The following SIX6 variants were observed in gnomAD, a reference collection of about 807,000 sequenced individuals.
SIX6 encodes the protein homeobox protein SIX6.
SIX6 carries 14 observed loss-of-function variants against 23.6 expected under a neutral mutation model. The observed-to-expected ratio is 0.59, with a 90% CI of 0.39 to 0.93. The LOEUF is 0.93. Ranked by LOEUF, SIX6 falls within the 40% of genes least tolerant of loss-of-function variation. The probability of loss-of-function intolerance (pLI) is 0.00; values close to 1 mark genes in which losing one functional copy is unlikely to be tolerated. For synonymous variants in SIX6, 128 were observed against 144.9 expected (o/e 0.88, Z 0.84); for missense variants, 307 against 325.6 (o/e 0.94, Z 0.44).
In SIX6 at chr14:60,512,367, G is replaced by A. The variant is rs968933371; in HGVS notation, c.*1115G>A. ...CAGGCACCCATGATCATGCTAGAGTGAGCATATACTGCATTTAGGATTGAG... is the reference window on the plus strand; with the variant it reads ...CAGGCACCCATGATCATGCTAGAGTAAGCATATACTGCATTTAGGATTGAG... On this transcript the variant is annotated 3_prime_UTR_variant, in exon 2 of 2. Coordinates refer to ENST00000327720, the MANE Select transcript of SIX6 (RefSeq NM_007374.3). The A allele has an allele frequency of 2.6e-5, 4 of 152,224 alleles. No homozygotes were observed. Among genetic ancestry groups the A allele is most frequent in the Admixed American group, 1.3e-4 (2 of 15,282 alleles). 9.4% of individuals were successfully genotyped at this position (152,224 alleles called of 1,614,324 possible). A position where few individuals can be genotyped will look rare whatever the true frequency, so the allele number is the denominator to read the frequency against.
rs146477594 is a variant in SIX6, at chr14:60,512,352, T to G, written c.*1100T>G. The G allele has an allele frequency of 2.1e-4, 32 of 152,342 alleles. No homozygotes were observed. Among genetic ancestry groups the G allele is most frequent in the African/African-American group, 7.7e-4 (32 of 41,576 alleles). 9.4% of individuals were successfully genotyped at this position (152,342 alleles called of 1,614,324 possible). On this transcript the variant is annotated 3_prime_UTR_variant, in exon 2 of 2. Coordinates refer to ENST00000327720, the MANE Select transcript of SIX6 (RefSeq NM_007374.3). ...CCAATACAAAAGCAGCAGGCACCCA[T>G]GATCATGCTAGAGTGAGCATATACT...
chr14:60,510,995 C>T, intron 1 of SIX6, 89 bp from the exon 2 acceptor site: 1 of 1,375,840 alleles, frequency 7.3e-7, no homozygotes, highest in Non-Finnish European at 1.0e-6. Flanking sequence ...CCTCTAGCCG[C>T]CGGGCTGGAG....
At chr14:60,511,020 G>A (rs1893282966) in intron 1 of SIX6, 64 bp from the exon 2 acceptor site, 1 of 1,540,178 alleles carries the variant, frequency 6.5e-7, no homozygotes, top group East Asian at 2.3e-5. Flanking sequence ...GCAGGAGGTG[G>A]TGGGGGCGGG....
In SIX6 at chr14:60,511,328, T is replaced by G; in HGVS notation, c.*76T>G. On this transcript the variant is annotated 3_prime_UTR_variant, in exon 2 of 2. Transcript: ENST00000327720. ...AACAAAATGAAAGAGGGGAAGAAGATGAGAGACCTGCAAATCCAGCGCCAC... is the reference window on the plus strand; with the variant it reads ...AACAAAATGAAAGAGGGGAAGAAGAGGAGAGACCTGCAAATCCAGCGCCAC... The G allele has an allele frequency of 1.3e-5, 19 of 1,488,658 alleles. No homozygotes were observed. The highest frequency in any genetic ancestry group is 1.5e-5 in the Non-Finnish European group (16 of 1,067,820). The allele number at this position is 1,488,658 out of a possible 1,614,324, so 92.2% of individuals were successfully genotyped here.
rs540913353 is a variant in SIX6 at position 60,510,553 on chromosome 14, C to T, written c.573-531C>T. On this transcript the variant is annotated intron_variant, in intron 1 of 1. Transcript: ENST00000327720. The stretch of plus-strand genomic sequence containing the variant: ...TTTTCGTTTCCCGGAGTGTGGATCT[C>T]GATTAGCCAAACATTTTGCGGAAGA... Among the ~76,000 whole-genome samples the T allele has an allele frequency of 7.0e-4, 107 of 152,294 alleles. 1 individual carries two copies. The highest frequency in any genetic ancestry group is 9.6e-4 in the Non-Finnish European group (65 of 68,030).
chr14:60,510,229 G>A (rs867527931), intron 1 of SIX6, among the ~76,000 whole-genome samples: 4 of 152,302 alleles, frequency 2.6e-5, no homozygotes, highest in Middle Eastern at 3.4e-3. Context: ...GCTTCACTGG[G>A]ACGGAGAGGG....
rs1477173742 is a variant in SIX6, at chr14:60,509,523, C to A, written c.125C>A (p.Ala42Glu). The A allele has an allele frequency of 1.9e-6, 3 of 1,607,332 alleles. No individual in the cohort carries two copies. The highest frequency in any genetic ancestry group is 1.7e-6 in the Non-Finnish European group (2 of 1,179,972). The change falls in exon 1 of 2, where the codon GCG becomes GAG. Residue 42 changes from alanine to glutamate, a missense_variant. Ala to Glu is a moderately radical substitution (Grantham distance 107). Coordinates refer to ENST00000327720, the MANE Select transcript of SIX6 (RefSeq NM_007374.3). ...CTCTGGTCGCTGCCCGTGGCCCCTG[C>A]GGCCTGCGAGGCCCTCAACAAGAAT... ...RFLWSLPVAP[A>E]ACEALNKNES...
Position 60,509,716 on chromosome 14 carries a change from C to T in SIX6, c.318C>T (p.Pro106=). Residue 106 remains proline (P), a synonymous_variant, in exon 1 of 2, where the codon CCC becomes CCT. Coordinates refer to ENST00000327720, the MANE Select transcript of SIX6 (RefSeq NM_007374.3). ...YQEAEKLRGR[P]LGPVDKYRVR... is the part of the protein sequence containing the mutation. Reference sequence around the variant, plus strand: ...AGGCTGAGAAGCTGCGTGGAAGACCCCTGGGACCTGTGGACAAGTACCGAG... The same window carrying T: ...AGGCTGAGAAGCTGCGTGGAAGACCTCTGGGACCTGTGGACAAGTACCGAG... 1.2e-6 allele frequency: 2 copies of T among 1,614,138 alleles called. No individual in the cohort carries two copies. The highest frequency in any genetic ancestry group is 2.2e-5 in the South Asian group (2 of 91,084).
Position 60,509,952 on chromosome 14 carries a change from C to A in SIX6, c.554C>A (p.Ala185Glu), listed in dbSNP as rs1326036486. The part of the protein sequence containing the change: ...WFKNRRQRDR[A>E]AAAKNRLQQQ... Reference sequence around the variant, plus strand: ...AAAAACCGCCGACAAAGGGACCGAGCGGCTGCAGCCAAGAACAGGTCGGTA... The same window carrying A: ...AAAAACCGCCGACAAAGGGACCGAGAGGCTGCAGCCAAGAACAGGTCGGTA... Residue 185 changes from alanine to glutamate, a missense_variant, in exon 1 of 2, where the codon GCG becomes GAG. By Grantham distance (107) the Ala-to-Glu change is moderately radical. Coordinates refer to ENST00000327720, the MANE Select transcript of SIX6 (RefSeq NM_007374.3). 11 of 1,605,596 alleles carry A rather than the reference C, an allele frequency of 6.9e-6. No individual in the cohort carries two copies. The highest frequency in any genetic ancestry group is 3.4e-6 in the Non-Finnish European group (4 of 1,175,696).
chr14:60,509,795 C>A lies in SIX6; in HGVS notation c.397C>A (p.His133Asn). The A allele has an allele frequency of 6.2e-7, 1 of 1,613,478 alleles. No individual in the cohort carries two copies. The highest frequency in any genetic ancestry group is 8.5e-7 in the Non-Finnish European group (1 of 1,179,450). ...RTIWDGEQKT[H>N]CFKERTRHLL... ...CATTTGGGACGGCGAACAGAAGACA[C>A]ACTGCTTCAAGGAGCGCACGCGGCA... The change falls in exon 1 of 2, where the codon CAC (histidine) becomes AAC (asparagine). Residue 133 changes from histidine (H) to asparagine (N), a missense_variant. His to Asn is a moderately conservative substitution (Grantham distance 68, BLOSUM62 1). Coordinates refer to ENST00000327720, the MANE Select transcript of SIX6 (RefSeq NM_007374.3).
intron 1 of SIX6, among the ~76,000 whole-genome samples, chr14:60,510,472 C>T (rs1893273738): frequency 6.6e-6 from 1 of 152,220 alleles, no homozygotes; most frequent in African/African-American, 2.4e-5. Flanking sequence ...TTCCTCTTCC[C>T]ATGCGCTGCC....
At position 60,511,432 on chromosome 14, in the gene SIX6, C is replaced by A. The variant is rs1893293408; in HGVS notation, c.*180C>A. ...CCCGCGGCCGGCCTGGCTTCACTGG[C>A]GCCCTTTGGCCGCGACCACGGGAAC... On this transcript the variant is annotated 3_prime_UTR_variant, in exon 2 of 2. Transcript: ENST00000327720. 2 of 717,426 alleles carry A rather than the reference C, an allele frequency of 2.8e-6. No homozygotes were observed. Among genetic ancestry groups the A allele is most frequent in the East Asian group, 2.7e-5 (1 of 37,124 alleles). The allele number at this position is 717,426 out of a possible 1,614,324, so 44.4% of individuals were successfully genotyped here.
intron 1 of SIX6, 22 bp downstream of exon 1, chr14:60,509,992 C>T (rs754336371): frequency 1.3e-6 from 2 of 1,574,494 alleles, no homozygotes; most frequent in Non-Finnish European, 1.7e-6. Context: ...GAGGCCTCCG[C>T]GCTTTGAGCG....
In SIX6 at chr14:60,509,565, C is replaced by T; in HGVS notation, c.167C>T (p.Ala56Val). Residue 56 changes from alanine to valine, a missense_variant, in exon 1 of 2, where the codon GCA becomes GTA. By Grantham distance (64) the Ala-to-Val change is moderately conservative. Coordinates refer to ENST00000327720, the MANE Select transcript of SIX6 (RefSeq NM_007374.3). ...AACAAGAATGAGTCGGTGCTACGCGCACGAGCCATCGTGGCCTTTCACGGT... is the reference window on the plus strand; with the variant it reads ...AACAAGAATGAGTCGGTGCTACGCGTACGAGCCATCGTGGCCTTTCACGGT... ...ALNKNESVLR[A>V]RAIVAFHGGN... The T allele has an allele frequency of 6.2e-7, 1 of 1,612,230 alleles. No individual in the cohort carries two copies. The highest frequency in any genetic ancestry group is 8.5e-7 in the Non-Finnish European group (1 of 1,180,014).
rs778350770 is a variant in SIX6, at chr14:60,511,206, C to T, written c.695C>T (p.Thr232Ile). 3 of 1,613,160 alleles carry T rather than the reference C, an allele frequency of 1.9e-6. No individual in the cohort carries two copies. The highest frequency in any genetic ancestry group is 8.5e-7 in the Non-Finnish European group (1 of 1,179,954). Residue 232 changes from threonine (T) to isoleucine (I), a missense_variant, in exon 2 of 2, where the codon ACT (threonine) becomes ATT (isoleucine). Physicochemically the swap from Thr to Ile is moderately conservative, Grantham distance 89 (BLOSUM62 -1). Coordinates refer to ENST00000327720, the MANE Select transcript of SIX6 (RefSeq NM_007374.3). The part of the protein sequence containing the change: ...PAASLSSKAA[T>I]SAISITSSDS... ...GCCAGTCTATCCAGCAAGGCGGCCA[C>T]TTCAGCCATCTCCATCACGTCCAGC... is the stretch of plus-strand genomic sequence containing the variant.
intron 1 of SIX6, 40 bp downstream of exon 1, chr14:60,510,010 G>C: frequency 1.3e-6 from 2 of 1,547,472 alleles, no homozygotes; most frequent in Non-Finnish European, 1.8e-6. Context: ...GCGCACCGGG[G>C]AGGAGGCGGG....
rs1893301981 is a variant in SIX6 at position 60,512,008 on chromosome 14, CATATAT to C, written c.*757_*762del. 1 of 152,494 alleles carries C rather than the reference CATATAT, an allele frequency of 6.6e-6. No homozygotes were observed. Among genetic ancestry groups the C allele is most frequent in the Non-Finnish European group, 1.5e-5 (1 of 68,510 alleles). The allele number at this position is 152,494 out of a possible 1,614,324, so 9.4% of individuals were successfully genotyped here. The stretch of plus-strand genomic sequence containing the variant: ...TCCCACGTCAAATTACACGTATGTG[CATATAT>C]GTATGTACCTATACAAACATATGTA... On this transcript the variant is annotated 3_prime_UTR_variant, in exon 2 of 2. Coordinates refer to ENST00000327720, the MANE Select transcript of SIX6 (RefSeq NM_007374.3).
At chr14:60,510,800 A>G (rs1369977509) in intron 1 of SIX6, among the ~76,000 whole-genome samples, 2 of 152,218 alleles carry the variant, frequency 1.3e-5, no homozygotes, top group African/African-American at 4.8e-5. Context: ...AAAGTGCACA[A>G]CAAACAGGGA....
intron 1 of SIX6, among the ~76,000 whole-genome samples, chr14:60,510,284 C>T (rs998848521): frequency 1.3e-5 from 2 of 152,206 alleles, no homozygotes; most frequent in Admixed American, 1.3e-4. Flanking sequence ...TTAGGGACCC[C>T]AAGACCCAAA....
Sources: allele counts gnomAD v4.1 joint callset (sites outside exome capture counted in the v4.1 genomes callset), GRCh38; gene constraint gnomAD v4.1.1; transcripts MANE v1.5; gene names NCBI Gene and HGNC (gene_info 2026-07-23, HGNC 2026-07-21).